The following GLRA3 variants were observed in gnomAD, a reference collection of about 807,000 sequenced individuals.
GLRA3 encodes glycine receptor subunit alpha-3.
Under a neutral mutation model 60.4 loss-of-function variants are expected in GLRA3, and 44 were observed. That is an observed-to-expected ratio of 0.73 (90% CI 0.57 to 0.94). The LOEUF is 0.94. GLRA3 is among the 40% of genes least tolerant of loss of function. The pLI, the probability that GLRA3 is intolerant of heterozygous loss-of-function variation, is 0.00. For missense variants in GLRA3, 508 were observed against 564.6 expected, an observed-to-expected ratio of 0.90 and a Z score of 1.02; for synonymous variants, 223 against 192.9, an observed-to-expected ratio of 1.16 and a Z score of -1.29.
At chr4:174,767,636 A>G (rs1231455697) in intron 2 of GLRA3, among the ~76,000 whole-genome samples, 3 of 151,996 alleles carry the variant, frequency 2.0e-5, no homozygotes, top group Admixed American at 6.6e-5. Flanking sequence ...TTGATTAGAG[A>G]TTTCTTTAAA....
At chr4:174,759,020 G>A (rs1737838956) in intron 3 of GLRA3, among the ~76,000 whole-genome samples, 9 of 152,010 alleles carry the variant, frequency 5.9e-5, no homozygotes, top group Admixed American at 5.9e-4. Flanking sequence ...AGAGAACTTT[G>A]AATTTTGATA....
At chr4:174,753,663 A>G (rs76892920) in intron 3 of GLRA3, among the ~76,000 whole-genome samples, 2,588 of 152,222 alleles carry the variant, frequency 0.017, 74 homozygotes, top group African/African-American at 0.058. Flanking sequence ...TGGCCAAGAG[A>G]AGTGTTTAAT....
intron 3 of GLRA3, among the ~76,000 whole-genome samples, chr4:174,733,581 C>T (rs1001951856): frequency 2.0e-5 from 3 of 152,148 alleles, no homozygotes; most frequent in Admixed American, 1.3e-4. Context: ...CATCTCAGGG[C>T]TAGGTACCAG....
chr4:174,754,150 T>C (rs7442152), intron 3 of GLRA3, among the ~76,000 whole-genome samples: 13,606 of 152,198 alleles, frequency 0.089, 964 homozygotes, highest in East Asian at 0.39. Flanking sequence ...TTTCTGAGCA[T>C]GATGATTATA....
intron 2 of GLRA3, among the ~76,000 whole-genome samples, chr4:174,769,645 A>C (rs912807460): frequency 2.6e-5 from 4 of 152,034 alleles, no homozygotes; most frequent in African/African-American, 9.7e-5. Flanking sequence ...CAATCATGCT[A>C]GGAATTACTT....
intron 5 of GLRA3, among the ~76,000 whole-genome samples, chr4:174,692,234 C>T (rs1353512046): frequency 4.7e-5 from 7 of 150,472 alleles, no homozygotes; most frequent in African/African-American, 1.5e-4. Flanking sequence ...GGTCAGCCCC[C>T]GCCAGGCCAG....
At chr4:174,713,130 T>C (rs1735785955) in intron 5 of GLRA3, among the ~76,000 whole-genome samples, 1 of 152,028 alleles carries the variant, frequency 6.6e-6, no homozygotes. Flanking sequence ...GTCTCTATGG[T>C]TAGCTAAATT....
At chr4:174,776,513 A>C (rs773270753) in intron 2 of GLRA3, among the ~76,000 whole-genome samples, 1 of 152,182 alleles carries the variant, frequency 6.6e-6, no homozygotes, top group Admixed American at 6.5e-5. Context: ...AAAGGGGCAG[A>C]ATGCAATAAA....
chr4:174,762,519 G>A (rs1177184313), intron 3 of GLRA3, among the ~76,000 whole-genome samples: 3 of 151,966 alleles, frequency 2.0e-5, no homozygotes. Context: ...AGTACTGGAA[G>A]GCATAGGGTT....
chr4:174,679,642 G>A (rs1351328233), intron 6 of GLRA3, among the ~76,000 whole-genome samples: 1 of 152,134 alleles, frequency 6.6e-6, no homozygotes, highest in Non-Finnish European at 1.5e-5. Context: ...GTGTCCCTCA[G>A]TGGAAGAATG....
intron 1 of GLRA3, among the ~76,000 whole-genome samples, chr4:174,803,251 G>A (rs1334290514): frequency 6.6e-6 from 1 of 151,968 alleles, no homozygotes; most frequent in Non-Finnish European, 1.5e-5. Context: ...GTGGGTAATA[G>A]TTTATTTCTT....
intron 7 of GLRA3, among the ~76,000 whole-genome samples, chr4:174,665,019 T>C (rs1733603327): frequency 6.6e-6 from 1 of 152,062 alleles, no homozygotes; most frequent in Admixed American, 6.6e-5. Context: ...AGAAGTGTTG[T>C]AAAGAAAATT....
intron 2 of GLRA3, among the ~76,000 whole-genome samples, 190 bp from the exon 3 acceptor site, chr4:174,767,220 A>T (rs890272558): frequency 6.6e-5 from 10 of 151,946 alleles, no homozygotes; most frequent in African/African-American, 2.4e-4. Context: ...AAGGTTCACA[A>T]GGAACACTGA....
chr4:174,709,398 T>C (rs1256148726), intron 5 of GLRA3, among the ~76,000 whole-genome samples: 2 of 152,054 alleles, frequency 1.3e-5, no homozygotes, highest in African/African-American at 4.8e-5. Context: ...TTCTTAGGTT[T>C]CTCCTAATAA....
intron 1 of GLRA3, among the ~76,000 whole-genome samples, chr4:174,795,999 T>C (rs577475044): frequency 1.5e-4 from 23 of 152,318 alleles, no homozygotes; most frequent in African/African-American, 5.3e-4. Context: ...TCTTTATGAC[T>C]TGCTATGGTC....
intron 5 of GLRA3, among the ~76,000 whole-genome samples, chr4:174,685,334 G>A (rs1020951620): frequency 5.3e-5 from 8 of 152,114 alleles, no homozygotes; most frequent in South Asian, 2.1e-4. Context: ...ATCTCACACC[G>A]TCCACTCTAC....
At chr4:174,815,497 C>T (rs1200838935) in intron 1 of GLRA3, among the ~76,000 whole-genome samples, 1 of 152,196 alleles carries the variant, frequency 6.6e-6, no homozygotes, top group African/African-American at 2.4e-5. Flanking sequence ...CCCATGAGGG[C>T]TCCGCACCTG....
chr4:174,674,889 C>G (rs538863990), intron 7 of GLRA3, among the ~76,000 whole-genome samples: 1 of 152,248 alleles, frequency 6.6e-6, no homozygotes, highest in East Asian at 1.9e-4. Context: ...CCTCCTGTCT[C>G]TCTGGCCCAA....
chr4:174,802,919 T>C (rs992235352), intron 1 of GLRA3, among the ~76,000 whole-genome samples: 1 of 152,080 alleles, frequency 6.6e-6, no homozygotes, highest in African/African-American at 2.4e-5. Flanking sequence ...TTATTAGGGG[T>C]ATCTATATTC....
Sources: allele counts gnomAD v4.1 joint callset (sites outside exome capture counted in the v4.1 genomes callset), GRCh38; gene constraint gnomAD v4.1.1; transcripts MANE v1.5; gene names NCBI Gene and HGNC (gene_info 2026-07-23, HGNC 2026-07-21).